The following TSPAN12 variants were observed in gnomAD, a reference collection of about 807,000 sequenced individuals.
TSPAN12 encodes tetraspanin-12.
TSPAN12 carries 19 observed loss-of-function variants against 39.2 expected under a neutral mutation model. The ratio of observed to expected loss-of-function variants is 0.49; its 90% CI spans 0.34 to 0.71. The LOEUF (loss-of-function observed/expected upper bound fraction) is 0.71. Ranked by LOEUF, TSPAN12 falls within the 30% of genes least tolerant of loss-of-function variation. The pLI is 0.01. For synonymous variants in TSPAN12, 119 were observed against 124.8 expected (o/e 0.95, Z 0.31); for missense variants, 314 against 359.9 (o/e 0.87, Z 1.03).
intron 7 of TSPAN12, among the ~76,000 whole-genome samples, chr7:120,793,443 G>A (rs983547196): frequency 6.6e-6 from 1 of 152,152 alleles, no homozygotes; most frequent in Non-Finnish European, 1.5e-5. Context: ...CACTCAGGTA[G>A]GCAAGTATGC....
chr7:120,810,318 C>A, intron 6 of TSPAN12, 145 bp downstream of exon 6: 1 of 656,316 alleles, frequency 1.5e-6, no homozygotes, highest in South Asian at 1.7e-5. Context: ...AGATATTTTT[C>A]AAGAAATAAT....
At chr7:120,828,287 T>C (rs1349087773) in intron 4 of TSPAN12, among the ~76,000 whole-genome samples, 1 of 152,184 alleles carries the variant, frequency 6.6e-6, no homozygotes, top group East Asian at 1.9e-4. Context: ...CTACCAGGGA[T>C]ACATAGCAAA....
chr7:120,811,197 A>G (rs1006535908), intron 5 of TSPAN12, among the ~76,000 whole-genome samples: 1 of 152,220 alleles, frequency 6.6e-6, no homozygotes, highest in African/African-American at 2.4e-5. Flanking sequence ...GATTCCTTAA[A>G]GAACTAAAAG....
chr7:120,790,352 G>A (rs1793498377), intron 7 of TSPAN12, among the ~76,000 whole-genome samples: 1 of 152,204 alleles, frequency 6.6e-6, no homozygotes, highest in African/African-American at 2.4e-5. Flanking sequence ...TAAAAACATA[G>A]ATGATAATAG....
chr7:120,788,605 A>G lies in TSPAN12; in HGVS notation c.905T>C (p.Met302Thr). 6.2e-7 allele frequency: 1 copy of G among 1,614,156 alleles called. No homozygotes were observed. The change falls in exon 8 of 8, where the codon ATG (methionine) becomes ACG (threonine). Residue 302 changes from methionine (M) to threonine (T), a missense_variant. Met to Thr is a moderately conservative substitution (Grantham distance 81, BLOSUM62 -1). Coordinates refer to ENST00000222747, the MANE Select transcript of TSPAN12 (RefSeq NM_012338.4). ...TGACATTTCTTTTTATAACTCCTCCATCTCAAAGTGTGTATTAAAGCTGTT... is the reference window on the plus strand; with the variant it reads ...TGACATTTCTTTTTATAACTCCTCCGTCTCAAAGTGTGTATTAAAGCTGTT... ...MANSFNTHFE[M>T]EEL
chr7:120,800,115 T>C (rs1793737333), intron 7 of TSPAN12, among the ~76,000 whole-genome samples: 2 of 151,836 alleles, frequency 1.3e-5, no homozygotes, highest in Admixed American at 6.6e-5. Flanking sequence ...AAAACAAATA[T>C]CATTTGCCAA....
chr7:120,834,509 T>C (rs1794442034), intron 4 of TSPAN12, among the ~76,000 whole-genome samples: 1 of 152,188 alleles, frequency 6.6e-6, no homozygotes, highest in Non-Finnish European at 1.5e-5. Context: ...CTCATTTACT[T>C]TTTCTTGATC....
intron 7 of TSPAN12, among the ~76,000 whole-genome samples, chr7:120,802,600 C>T (rs1312332798): frequency 6.6e-6 from 1 of 152,068 alleles, no homozygotes; most frequent in East Asian, 1.9e-4. Context: ...TCTACTATAT[C>T]CCTAGCATTT....
chr7:120,851,043 G>T (rs1272136478), intron 2 of TSPAN12, among the ~76,000 whole-genome samples: 4 of 152,168 alleles, frequency 2.6e-5, no homozygotes, highest in Admixed American at 6.5e-5. Context: ...ACAAATATTT[G>T]TTGGAGGGCT....
At position 120,810,500 on chromosome 7, in the gene TSPAN12, C is replaced by G. The variant is rs374977768; in HGVS notation, c.431G>C (p.Arg144Pro). The G allele has an allele frequency of 5.0e-6, 8 of 1,613,660 alleles. No individual in the cohort carries two copies. Among genetic ancestry groups the G allele is most frequent in the Admixed American group, 1.7e-5 (1 of 59,988 alleles). ...RMTNYGLPRY[R>P]WLTHAWNFFQ... The stretch of plus-strand genomic sequence containing the variant: ...AAAATTCCAAGCATGAGTAAGCCAC[C>G]GATATCTAGGTAATCCATAATTTGT... The change falls in exon 6 of 8, where the codon CGG (arginine) becomes CCG (proline). Residue 144 changes from arginine to proline, a missense_variant. Transcript: ENST00000222747.
In TSPAN12 at chr7:120,838,440, A is replaced by C. The variant is rs2116465307; in HGVS notation, c.285+337T>G. On this transcript the variant is annotated intron_variant, in intron 4 of 7. Coordinates refer to ENST00000222747, the MANE Select transcript of TSPAN12 (RefSeq NM_012338.4). ...GGGTGGATTTGTTTAAAAATAGAAG[A>C]GAAAGAAACAGTTCCTTTATGGCTT... Among the ~76,000 whole-genome samples, 7 of 152,336 alleles carry C rather than the reference A, an allele frequency of 4.6e-5. 1 individual carries two copies. The highest frequency in any genetic ancestry group is 4.6e-4 in the Admixed American group (7 of 15,308).
chr7:120,798,379 C>G (rs563095745), intron 7 of TSPAN12, among the ~76,000 whole-genome samples: 4 of 152,146 alleles, frequency 2.6e-5, no homozygotes, highest in Non-Finnish European at 5.9e-5. Flanking sequence ...AGTAGAGAGA[C>G]AGGAGGGAGC....
At chr7:120,847,863 T>G (rs556356540) in intron 2 of TSPAN12, among the ~76,000 whole-genome samples, 16 of 152,308 alleles carry the variant, frequency 1.1e-4, no homozygotes, top group African/African-American at 3.8e-4. Flanking sequence ...CAACTACCAT[T>G]TATTTCGTCT....
intron 4 of TSPAN12, among the ~76,000 whole-genome samples, chr7:120,835,691 T>A (rs1313080899): frequency 6.6e-6 from 1 of 152,152 alleles, no homozygotes; most frequent in Non-Finnish European, 1.5e-5. Flanking sequence ...TTAAAAAAAA[T>A]TCAGGTAAAA....
At chr7:120,798,078 G>A (rs757795035) in intron 7 of TSPAN12, among the ~76,000 whole-genome samples, 1 of 152,114 alleles carries the variant, frequency 6.6e-6, no homozygotes, top group Non-Finnish European at 1.5e-5. Context: ...GAGTCCAAAA[G>A]GAAACATTGT....
At chr7:120,803,399 C>T (rs1584927557) in intron 7 of TSPAN12, among the ~76,000 whole-genome samples, 3 of 152,216 alleles carry the variant, frequency 2.0e-5, no homozygotes, top group South Asian at 4.1e-4. Context: ...TTTTGGAACC[C>T]TCATCTTCCT....
intron 4 of TSPAN12, among the ~76,000 whole-genome samples, chr7:120,837,548 G>A (rs577478085): frequency 6.6e-6 from 1 of 152,162 alleles, no homozygotes; most frequent in South Asian, 2.1e-4. Context: ...TCTTGACCTC[G>A]TGATCTGCCT....
intron 2 of TSPAN12, among the ~76,000 whole-genome samples, chr7:120,841,186 T>C (rs1794572580): frequency 6.6e-6 from 1 of 152,214 alleles, no homozygotes; most frequent in South Asian, 2.1e-4. Flanking sequence ...TTACACATAA[T>C]GTGTCTCCCA....
intron 4 of TSPAN12, among the ~76,000 whole-genome samples, chr7:120,833,410 CAAACA>C (rs930162601): frequency 6.7e-6 from 1 of 149,496 alleles, no homozygotes; most frequent in African/African-American, 2.5e-5. Context: ...AACAAACAAA[CAAACA>C]AAAAAAAAAC....
Sources: allele counts gnomAD v4.1 joint callset (sites outside exome capture counted in the v4.1 genomes callset), GRCh38; gene constraint gnomAD v4.1.1; transcripts MANE v1.5; gene names NCBI Gene and HGNC (gene_info 2026-07-23, HGNC 2026-07-21).